The following USP6NL variants were observed in gnomAD, a reference collection of about 807,000 sequenced individuals.
USP6NL encodes the protein USP6 N-terminal-like protein.
A neutral mutation model predicts 61.9 loss-of-function variants in USP6NL; 26 were observed. The observed-to-expected ratio is 0.42, with a 90% CI of 0.31 to 0.58. The LOEUF (loss-of-function observed/expected upper bound fraction) is 0.58. Ranked by LOEUF, USP6NL falls within the 20% of genes least tolerant of loss-of-function variation. USP6NL has a pLI of 0.16. For synonymous variants in USP6NL, 432 were observed against 390.1 expected (o/e 1.11, Z -1.27); for missense variants, 1,114 against 1,034.3 (o/e 1.08, Z -1.06).
In USP6NL at chr10:11,463,172, G is replaced by C; in HGVS notation, c.1756C>G (p.Pro586Ala). The C allele has an allele frequency of 6.2e-7, 1 of 1,613,818 alleles. No individual in the cohort carries two copies. Among genetic ancestry groups the C allele is most frequent in the Non-Finnish European group, 8.5e-7 (1 of 1,179,880 alleles). Residue 586 changes from proline to alanine, a missense_variant, in exon 15 of 15, where the codon CCG becomes GCG. By Grantham distance (27) the Pro-to-Ala change is conservative. Transcript: ENST00000609104. The surrounding 1 kb of genome is among the most constrained non-coding windows in gnomAD (Gnocchi z 6.3). ...GAACTTGGCTCAGCGTGCTTTCTCG[G>C]GCTAGGAGGGTAAAGGGCATGCCGG... ...SPRHALYPPS[P>A]RKHAEPSSSP...
chr10:11,473,824 T>C (rs1832857706), intron 14 of USP6NL, among the ~76,000 whole-genome samples: 1 of 152,124 alleles, frequency 6.6e-6, no homozygotes, highest in South Asian at 2.1e-4. Flanking sequence ...CCTACCAAAT[T>C]AGGAACAAAT....
Position 11,474,707 on chromosome 10 carries a change from A to T in USP6NL, c.1078+7063T>A, listed in dbSNP as rs541079151. On this transcript the variant is annotated intron_variant, in intron 14 of 14. Coordinates refer to ENST00000609104, the MANE Select transcript of USP6NL (RefSeq NM_014688.5). This position sits in a 1 kb window ranked among gnomAD's most constrained non-coding sequence, Gnocchi z 4.9. ...TGTCCTTGAATTAATGATTTTTTTT[A>T]AAAAAAACTTGCATCAACAAATGAC... 3.4e-4 allele frequency among the ~76,000 whole-genome samples: 51 copies of T among 151,782 alleles called. No homozygotes were observed. Among genetic ancestry groups the T allele is most frequent in the South Asian group, 2.1e-3 (10 of 4,814 alleles).
Position 11,523,711 on chromosome 10 carries a change from G to A in USP6NL, c.155+1675C>T, listed in dbSNP as rs1332862713. On this transcript the variant is annotated intron_variant, in intron 4 of 14. Coordinates refer to ENST00000609104, the MANE Select transcript of USP6NL (RefSeq NM_014688.5). Reference sequence around the variant, plus strand: ...GAAAAGAAAATTTAGGTAATTAATAGATCCATTTTGGAATGCACAGGTTTC... The same window carrying A: ...GAAAAGAAAATTTAGGTAATTAATAAATCCATTTTGGAATGCACAGGTTTC... Among the ~76,000 whole-genome samples, 6 of 152,132 alleles carry A rather than the reference G, an allele frequency of 3.9e-5. 1 individual carries two copies. The highest frequency in any genetic ancestry group is 2.6e-4 in the Admixed American group (4 of 15,258).
chr10:11,597,571 TA>T lies in USP6NL; in HGVS notation c.4+59del. Reference sequence around the variant, plus strand: ...ATTCAGTAACATGTTTTTCTTCTCCTAAGCACAATACAGCAAACGCTCCTGA... The same window carrying T: ...ATTCAGTAACATGTTTTTCTTCTCCTAGCACAATACAGCAAACGCTCCTGA... On this transcript the variant is annotated intron_variant, in intron 2 of 14. Transcript: ENST00000609104. This position sits in a 1 kb window ranked among gnomAD's most constrained non-coding sequence, Gnocchi z 4.6. The T allele has an allele frequency of 6.5e-7, 1 of 1,529,632 alleles. No individual in the cohort carries two copies. Among genetic ancestry groups the T allele is most frequent in the Non-Finnish European group, 8.9e-7 (1 of 1,126,958 alleles). 94.8% of individuals were successfully genotyped at this position (1,529,632 alleles called of 1,614,324 possible). A position where few individuals can be genotyped will look rare whatever the true frequency, so the allele number is the denominator to read the frequency against.
At position 11,600,969 on chromosome 10, in the gene USP6NL, A is replaced by T. The variant is rs895828979; in HGVS notation, c.-83-3252T>A. 3.3e-5 allele frequency among the ~76,000 whole-genome samples: 5 copies of T among 152,170 alleles called. No homozygotes were observed. The highest frequency in any genetic ancestry group is 6.5e-5 in the Admixed American group (1 of 15,280). ...GGCAACAGAGCAAGACTCTATCTCA[A>T]AGAAAAAAAAAAAGCTTATCAGGCA... On this transcript the variant is annotated intron_variant, in intron 1 of 14. Transcript: ENST00000609104. The surrounding 1 kb of genome is among the most constrained non-coding windows in gnomAD (Gnocchi z 4.1).
At chr10:11,515,736 G>A (rs564236571) in intron 5 of USP6NL, among the ~76,000 whole-genome samples, 10 of 152,240 alleles carry the variant, frequency 6.6e-5, no homozygotes, top group Admixed American at 2.0e-4. Context: ...TTTGTTTTTC[G>A]TTTCAGTTAG....
At chr10:11,486,921 G>A (rs1362122783) in intron 10 of USP6NL, among the ~76,000 whole-genome samples, 1 of 152,002 alleles carries the variant, frequency 6.6e-6, no homozygotes, top group Non-Finnish European at 1.5e-5. Flanking sequence ...GGGCAATGGT[G>A]CTTTACAATC....
chr10:11,549,727 T>C (rs1566174115), intron 2 of USP6NL, among the ~76,000 whole-genome samples: 1 of 152,224 alleles, frequency 6.6e-6, no homozygotes, highest in Admixed American at 6.5e-5. Context: ...GTAAATCACA[T>C]ATCACTAACT....
chr10:11,556,634 T>C (rs1353122960), intron 2 of USP6NL, among the ~76,000 whole-genome samples: 1 of 152,174 alleles, frequency 6.6e-6, no homozygotes, highest in African/African-American at 2.4e-5. Context: ...ACTGTACTTA[T>C]CTCGGACAAA....
intron 14 of USP6NL, among the ~76,000 whole-genome samples, chr10:11,466,712 G>A (rs2133156724): frequency 6.6e-6 from 1 of 152,274 alleles, no homozygotes; most frequent in South Asian, 2.1e-4. Flanking sequence ...GAACATCAGA[G>A]TGCACTAATA....
rs1208054489 is a variant in USP6NL at position 11,540,084 on chromosome 10, C to T, written c.5-12517G>A. Among the ~76,000 whole-genome samples, 1 of 152,216 alleles carries T rather than the reference C, an allele frequency of 6.6e-6. No individual in the cohort carries two copies. The highest frequency in any genetic ancestry group is 2.4e-5 in the African/African-American group (1 of 41,460). ...TCTTATACATTTCTGCTCACTTCTGCTAGTCCTTACATTTCTTCCCACAGA... is the reference window on the plus strand; with the variant it reads ...TCTTATACATTTCTGCTCACTTCTGTTAGTCCTTACATTTCTTCCCACAGA... On this transcript the variant is annotated intron_variant, in intron 2 of 14. Transcript: ENST00000609104. The surrounding 1 kb of genome is among the most constrained non-coding windows in gnomAD (Gnocchi z 5.0).
At chr10:11,516,035 T>TA in intron 5 of USP6NL, among the ~76,000 whole-genome samples, 2 of 152,340 alleles carry the variant, frequency 1.3e-5, no homozygotes, top group Middle Eastern at 6.8e-3. Context: ...TATTCTTCCT[T>TA]ATTAAAATCA....
In USP6NL at chr10:11,562,062, C is replaced by T. The variant is rs930594983; in HGVS notation, c.5-34495G>A. Among the ~76,000 whole-genome samples the T allele has an allele frequency of 2.6e-5, 4 of 152,006 alleles. No individual in the cohort carries two copies. Among genetic ancestry groups the T allele is most frequent in the Admixed American group, 1.3e-4 (2 of 15,250 alleles). ...TTGTGAGGCCAAGGCAGGCAGATCA[C>T]GAGGTCAGGAGTTTAAGACCAGCCT... is the stretch of plus-strand genomic sequence containing the variant. On this transcript the variant is annotated intron_variant, in intron 2 of 14. Transcript: ENST00000609104. This position sits in a 1 kb window ranked among gnomAD's most constrained non-coding sequence, Gnocchi z 4.8.
chr10:11,567,176 A>G (rs534848505), intron 2 of USP6NL, among the ~76,000 whole-genome samples: 86 of 152,372 alleles, frequency 5.6e-4, no homozygotes, highest in African/African-American at 2.0e-3. Context: ...AGTCAATTTC[A>G]TTCTTTAAAT....
At chr10:11,557,211 A>AT (rs1482030752) in intron 2 of USP6NL, among the ~76,000 whole-genome samples, 1 of 152,202 alleles carries the variant, frequency 6.6e-6, no homozygotes, top group African/African-American at 2.4e-5. Flanking sequence ...TCACAATTTT[A>AT]TTCAACATAT....
In USP6NL at chr10:11,462,918, A is replaced by G. The variant is rs1215560054; in HGVS notation, c.2010T>C (p.Pro670=). 6.2e-7 allele frequency: 1 copy of G among 1,613,568 alleles called. No individual in the cohort carries two copies. ...PGTQLNPSRR[P]HGSTLSVSAS... ...CACTGACGGAAAGAGTAGAACCATG[A>G]GGTCTCCTGGAAGGATTCAGTTGAG... The change falls in exon 15 of 15, where the codon CCT becomes CCC. Residue 670 remains proline (P), a synonymous_variant. Transcript: ENST00000609104.
At chr10:11,547,633 G>T in intron 2 of USP6NL, among the ~76,000 whole-genome samples, 1 of 150,034 alleles carries the variant, frequency 6.7e-6, no homozygotes, top group East Asian at 2.0e-4. Flanking sequence ...TCCGCCTCCC[G>T]GGGTTCACGC....
rs150156525 is a variant in USP6NL, at chr10:11,463,967, C to G, written c.1079-118G>C. 6.3e-3 allele frequency: 5,917 copies of G among 945,766 alleles called. 26 individuals are homozygous for G. The highest frequency in any genetic ancestry group is 0.02 in the Admixed American group (681 of 33,250). 58.6% of individuals were successfully genotyped at this position (945,766 alleles called of 1,614,324 possible). A position where few individuals can be genotyped will look rare whatever the true frequency, so the allele number is the denominator to read the frequency against. ...CTGTGCACAGATACACGCTGACATA[C>G]AACACACTGTCATACAACACACTGT... On this transcript the variant is annotated intron_variant, in intron 14 of 14. Transcript: ENST00000609104. This position sits in a 1 kb window ranked among gnomAD's most constrained non-coding sequence, Gnocchi z 6.3.
intron 14 of USP6NL, among the ~76,000 whole-genome samples, chr10:11,471,049 G>C (rs1832721555): frequency 6.6e-6 from 1 of 152,318 alleles, no homozygotes; most frequent in East Asian, 1.9e-4. Flanking sequence ...GCTGGGCGTG[G>C]TGGCAGGCAC....
Sources: gnomAD v4.1 joint callset for allele counts (sites outside exome capture counted in the v4.1 genomes callset) on GRCh38, gnomAD v4.1.1 for gene constraint, Gnocchi (gnomAD v3.1) non-coding constraint, MANE v1.5 for transcripts, NCBI Gene and HGNC (gene_info 2026-07-23, HGNC 2026-07-21) for gene names.